Variants in MAP4 observed in about 807,000 individuals in gnomAD.
The protein encoded by MAP4 is microtubule-associated protein 4.
Under a neutral mutation model 170.2 loss-of-function variants are expected in MAP4, and 76 were observed. The ratio of observed to expected loss-of-function variants is 0.45; its 90% CI spans 0.37 to 0.54. The LOEUF is 0.54. Ranked by LOEUF, MAP4 falls within the 20% of genes least tolerant of loss-of-function variation. The pLI, the probability that MAP4 is intolerant of heterozygous loss-of-function variation, is 0.00. For missense variants in MAP4, 2,506 were observed against 2,748.0 expected, an observed-to-expected ratio of 0.91 and a Z score of 1.97; for synonymous variants, 909 against 994.5, an observed-to-expected ratio of 0.91 and a Z score of 1.62.
At chr3:47,964,771 T>C (rs905754262) in intron 3 of MAP4, among the ~76,000 whole-genome samples, 11 of 152,334 alleles carry the variant, frequency 7.2e-5, no homozygotes, top group African/African-American at 1.4e-4. Flanking sequence ...ATACCTAACA[T>C]ATAAAGCATC....
chr3:48,081,680 A>C (rs1369941343), intron 1 of MAP4, among the ~76,000 whole-genome samples: 1 of 152,166 alleles, frequency 6.6e-6, no homozygotes, highest in Admixed American at 6.6e-5. Flanking sequence ...GTTTATATTT[A>C]TATACAGACA....
At chr3:48,052,141 C>T (rs1166782130) in intron 1 of MAP4, among the ~76,000 whole-genome samples, 2 of 152,180 alleles carry the variant, frequency 1.3e-5, no homozygotes, top group Non-Finnish European at 2.9e-5. Context: ...GAGAGCCATA[C>T]ACCATAAAAA....
At chr3:48,038,844 G>A (rs1478986674) in intron 1 of MAP4, among the ~76,000 whole-genome samples, 1 of 152,154 alleles carries the variant, frequency 6.6e-6, no homozygotes, top group Non-Finnish European at 1.5e-5. Context: ...GCTCATGCCT[G>A]TAATCCCAGC....
At position 47,852,858 on chromosome 3, in the gene MAP4, T is replaced by TG. The variant is rs771204124; in HGVS notation, c.*75dup. ...CCGAGTTGGGGCCGCCAGGGAAGTG[T>TG]GGGGGGCGGGAGACAATGTCGGCCC... On this transcript the variant is annotated 3_prime_UTR_variant, in exon 21 of 21. Transcript: ENST00000683076. 5 of 1,564,682 alleles carry TG rather than the reference T, an allele frequency of 3.2e-6. No individual in the cohort carries two copies. Among genetic ancestry groups the TG allele is most frequent in the Non-Finnish European group, 1.7e-6 (2 of 1,154,726 alleles).
intron 2 of MAP4, among the ~76,000 whole-genome samples, chr3:47,997,182 T>C (rs1246381689): frequency 1.3e-5 from 2 of 151,394 alleles, no homozygotes; most frequent in African/African-American, 2.4e-5. Flanking sequence ...AGAAAAAGAA[T>C]GGGGCAGAAG....
chr3:48,040,109 ATCAC>A (rs2100120868), intron 1 of MAP4, among the ~76,000 whole-genome samples: 1 of 152,178 alleles, frequency 6.6e-6, no homozygotes, highest in Non-Finnish European at 1.5e-5. Flanking sequence ...CTCAAAAACA[ATCAC>A]TAACAGCTCA....
chr3:47,910,509 G>A lies in MAP4; in HGVS notation c.3912C>T (p.Asn1304=), dbSNP rs545268198. 74 of 1,535,988 alleles carry A rather than the reference G, an allele frequency of 4.8e-5. No individual in the cohort carries two copies. In the African/African-American group the frequency reaches 8.5e-4, roughly 18 times the overall value. ...TAGAAGCCTTGACTGTGCTTATCTT[G>A]TTTTCCCCAAGAGTCCCAAGCTCAA... ...NFVELGTLGE[N]KISTVKASTV... is the part of the protein sequence containing the mutation. Residue 1304 remains asparagine (N), a synonymous_variant, in exon 9 of 21, where the codon AAC becomes AAT. Coordinates refer to ENST00000683076, the MANE Select transcript of MAP4 (RefSeq NM_001385682.1).
At chr3:47,983,570 T>G (rs571830747) in intron 2 of MAP4, among the ~76,000 whole-genome samples, 1 of 152,082 alleles carries the variant, frequency 6.6e-6, no homozygotes, top group Non-Finnish European at 1.5e-5. Context: ...GTATTTTTAG[T>G]AGAAACAGGA....
At chr3:47,884,163 T>C (rs1471952137) in intron 10 of MAP4, among the ~76,000 whole-genome samples, 5 of 152,238 alleles carry the variant, frequency 3.3e-5, no homozygotes, top group Admixed American at 6.5e-5. Context: ...TCTGAAGATA[T>C]GTTTTTTCCT....
chr3:48,009,900 T>C (rs954523936), intron 1 of MAP4, among the ~76,000 whole-genome samples: 7 of 152,162 alleles, frequency 4.6e-5, no homozygotes, highest in Admixed American at 2.6e-4. Flanking sequence ...GAAGTTAAGA[T>C]TGTCACCTGG....
chr3:47,897,621 G>C (rs569348671), intron 10 of MAP4, among the ~76,000 whole-genome samples: 1 of 152,218 alleles, frequency 6.6e-6, no homozygotes. Context: ...CTTGGTTTCG[G>C]TGTTTACTTT....
At chr3:48,043,797 T>C (rs1322791293) in intron 1 of MAP4, among the ~76,000 whole-genome samples, 1 of 152,094 alleles carries the variant, frequency 6.6e-6, no homozygotes, top group Non-Finnish European at 1.5e-5. Flanking sequence ...GCTGAAACCA[T>C]GCAAAGTGAT....
At chr3:47,999,155 T>G (rs1447464386) in intron 1 of MAP4, among the ~76,000 whole-genome samples, 1 of 152,152 alleles carries the variant, frequency 6.6e-6, no homozygotes, top group East Asian at 1.9e-4. Context: ...GTGTCCTTTC[T>G]ATTTATAAGA....
rs1274625892 is a variant in MAP4 at position 47,852,663 on chromosome 3, A to C, written c.*271T>G. 5 of 1,283,920 alleles carry C rather than the reference A, an allele frequency of 3.9e-6. No homozygotes were observed. Among genetic ancestry groups the C allele is most frequent in the Non-Finnish European group, 5.3e-6 (5 of 951,618 alleles). 79.5% of individuals were successfully genotyped at this position (1,283,920 alleles called of 1,614,324 possible). On this transcript the variant is annotated 3_prime_UTR_variant, in exon 21 of 21. Transcript: ENST00000683076. ...CGCAGTGATGGGGCAAGACCAAAGCAGGGAGATGGGCCCAGGCTGGGGAGT... is the reference window on the plus strand; with the variant it reads ...CGCAGTGATGGGGCAAGACCAAAGCCGGGAGATGGGCCCAGGCTGGGGAGT...
At chr3:47,974,603 G>A in intron 3 of MAP4, 1 of 961,470 alleles carries the variant, frequency 1.0e-6, no homozygotes, top group African/African-American at 1.8e-5. Flanking sequence ...TCAAAACATG[G>A]TCCATGTTTT....
In MAP4 at chr3:47,852,773, C is replaced by T. The variant is rs528828279; in HGVS notation, c.*161G>A. 7.9e-5 allele frequency: 122 copies of T among 1,545,888 alleles called. No homozygotes were observed. Among genetic ancestry groups the T allele is most frequent in the South Asian group, 5.6e-4 (47 of 83,904 alleles). On this transcript the variant is annotated 3_prime_UTR_variant, in exon 21 of 21. Coordinates refer to ENST00000683076, the MANE Select transcript of MAP4 (RefSeq NM_001385682.1). ...GAGCCTAGCGGGCTGCCCAGCACGG[C>T]GCCCAAGCGCTCACTGGTCTAGTGG...
rs963929192 is a variant in MAP4, at chr3:47,947,535, G to A, written c.293-19185C>T. ...TCCTAGAAGAGAGAAATCTCAAGCC[G>A]GGTGTGGTGGCTCATGCCTGTAATC... On this transcript the variant is annotated intron_variant, in intron 3 of 20. Transcript: ENST00000683076. Among the ~76,000 whole-genome samples, 43 of 152,268 alleles carry A rather than the reference G, an allele frequency of 2.8e-4. 1 individual carries two copies. Among genetic ancestry groups the A allele is most frequent in the African/African-American group, 8.4e-4 (35 of 41,572 alleles).
At chr3:48,031,805 C>T (rs190415579) in intron 1 of MAP4, among the ~76,000 whole-genome samples, 106 of 152,214 alleles carry the variant, frequency 7.0e-4, no homozygotes, top group African/African-American at 2.2e-3. Context: ...AAGCTTGAGT[C>T]GAGTCCAGGA....
chr3:48,076,370 TG>T (rs1271529616), intron 1 of MAP4, among the ~76,000 whole-genome samples: 4 of 149,854 alleles, frequency 2.7e-5, no homozygotes, highest in Admixed American at 6.7e-5. Flanking sequence ...GGCATGGTGG[TG>T]GGCACCTGTA....
Sources: allele counts gnomAD v4.1 joint callset (sites outside exome capture counted in the v4.1 genomes callset), GRCh38; gene constraint gnomAD v4.1.1; transcripts MANE v1.5; gene names NCBI Gene and HGNC (gene_info 2026-07-23, HGNC 2026-07-21).